The following RFX2 variants were observed in gnomAD, a reference collection of about 807,000 sequenced individuals.
The protein encoded by RFX2 is regulatory factor X2, also known as DNA-binding protein RFX2.
A neutral mutation model predicts 87.8 loss-of-function variants in RFX2; 20 were observed. That is an observed-to-expected ratio of 0.23 (90% CI 0.16 to 0.33). The LOEUF is 0.33. Ranked by LOEUF, RFX2 falls within the 10% of genes least tolerant of loss-of-function variation. The pLI is 1.00. For synonymous variants in RFX2, 397 were observed against 431.3 expected (o/e 0.92, Z 0.98); for missense variants, 767 against 1,012.3 (o/e 0.76, Z 3.29).
chr19:6,066,757 A>C (rs1168628282), intron 1 of RFX2, among the ~76,000 whole-genome samples: 3 of 152,202 alleles, frequency 2.0e-5, no homozygotes, highest in African/African-American at 7.2e-5. Context: ...TGGAGTCCGC[A>C]GTCTTGGCAC....
chr19:6,044,155 C>T lies in RFX2; in HGVS notation c.180+38G>A, dbSNP rs1292416965. ...GTTCTGGATTGCTGAGTGCTAACTG[C>T]GCCCCGGTTTGCACGGTGCTGCGGT... On this transcript the variant is annotated intron_variant, in intron 3 of 17. Coordinates refer to ENST00000303657, the MANE Select transcript of RFX2 (RefSeq NM_000635.4). This position sits in a 1 kb window ranked among gnomAD's most constrained non-coding sequence, Gnocchi z 5.3. The T allele has an allele frequency of 1.2e-5, 15 of 1,268,290 alleles. No individual in the cohort carries two copies. The highest frequency in any genetic ancestry group is 2.0e-4 in the Middle Eastern group (1 of 4,942). 78.6% of individuals were successfully genotyped at this position (1,268,290 alleles called of 1,614,324 possible).
intron 1 of RFX2, among the ~76,000 whole-genome samples, chr19:6,091,803 C>A (rs906621111): frequency 4.6e-5 from 7 of 152,148 alleles, no homozygotes; most frequent in African/African-American, 1.7e-4. Context: ...AGCCGCAAAA[C>A]GTGTTTACAT....
chr19:6,058,296 C>T (rs183623631), intron 1 of RFX2, among the ~76,000 whole-genome samples: 22 of 152,308 alleles, frequency 1.4e-4, no homozygotes, highest in Admixed American at 1.4e-3. Flanking sequence ...TGCCCAGTGT[C>T]CCCTGGGGCG....
intron 10 of RFX2, 89 bp downstream of exon 10, chr19:6,008,017 C>T: frequency 9.8e-7 from 1 of 1,019,844 alleles, no homozygotes; most frequent in Non-Finnish European, 1.5e-6. Context: ...GCTCCAGCTC[C>T]TCAGCGTCAC....
At chr19:6,072,770 C>CCT in intron 1 of RFX2, 1 of 655,466 alleles carries the variant, frequency 1.5e-6, no homozygotes, top group Admixed American at 2.4e-5. Flanking sequence ...AAAAAAGGCC[C>CCT]CTCTCTCTTC....
intron 1 of RFX2, among the ~76,000 whole-genome samples, chr19:6,059,526 T>C (rs1350962822): frequency 1.3e-5 from 2 of 152,130 alleles, no homozygotes; most frequent in Non-Finnish European, 2.9e-5. Flanking sequence ...AAATTCTCCT[T>C]AGGTTATGGG....
At chr19:6,104,021 C>G (rs543483819) in intron 1 of RFX2, among the ~76,000 whole-genome samples, 1 of 152,176 alleles carries the variant, frequency 6.6e-6, no homozygotes, top group Admixed American at 6.5e-5. Flanking sequence ...AGCAACCACA[C>G]GAGCTATTAT....
intron 3 of RFX2, 42 bp from the exon 4 acceptor site, chr19:6,042,165 C>T (rs560208974): frequency 1.5e-5 from 23 of 1,549,034 alleles, no homozygotes; most frequent in African/African-American, 9.5e-5. Context: ...GTCACGCCCT[C>T]GTGAGTTGCC....
At position 6,021,124 on chromosome 19, in the gene RFX2, G is replaced by A. The variant is rs2086805451; in HGVS notation, c.598-4853C>T. On this transcript the variant is annotated intron_variant, in intron 6 of 17. Coordinates refer to ENST00000303657, the MANE Select transcript of RFX2 (RefSeq NM_000635.4). This position sits in a 1 kb window ranked among gnomAD's most constrained non-coding sequence, Gnocchi z 5.7. Reference sequence around the variant, plus strand: ...TCTATTCCTGGGGGCAAATTTGCCTGACACTGGCTCCTGGTGGTGAGTTAG... The same window carrying A: ...TCTATTCCTGGGGGCAAATTTGCCTAACACTGGCTCCTGGTGGTGAGTTAG... Among the ~76,000 whole-genome samples, 1 of 152,192 alleles carries A rather than the reference G, an allele frequency of 6.6e-6. No individual in the cohort carries two copies. Among genetic ancestry groups the A allele is most frequent in the Non-Finnish European group, 1.5e-5 (1 of 68,036 alleles).
At chr19:6,032,278 C>T (rs577132766) in intron 5 of RFX2, among the ~76,000 whole-genome samples, 129 of 152,174 alleles carry the variant, frequency 8.5e-4, no homozygotes, top group African/African-American at 2.8e-3. Flanking sequence ...CGTGCCACCC[C>T]GTCCAGCTAA....
At chr19:6,048,799 T>C (rs777107799) in intron 1 of RFX2, among the ~76,000 whole-genome samples, 16 of 152,220 alleles carry the variant, frequency 1.1e-4, no homozygotes, top group Non-Finnish European at 2.2e-4. Flanking sequence ...GGGATATGTG[T>C]GTTTGAATTC....
At chr19:6,086,124 G>T (rs1325808889) in intron 1 of RFX2, among the ~76,000 whole-genome samples, 3 of 146,312 alleles carry the variant, frequency 2.1e-5, no homozygotes, top group East Asian at 2.0e-4. Context: ...AGGCAGGGGA[G>T]ATCCAATTTC....
intron 1 of RFX2, among the ~76,000 whole-genome samples, chr19:6,098,452 G>A (rs544119719): frequency 6.6e-6 from 1 of 152,214 alleles, no homozygotes; most frequent in Non-Finnish European, 1.5e-5. Context: ...TTTCGTCCAA[G>A]TTCGTCAGAG....
At chr19:6,058,305 C>T (rs983045154) in intron 1 of RFX2, among the ~76,000 whole-genome samples, 4 of 152,122 alleles carry the variant, frequency 2.6e-5, no homozygotes, top group Admixed American at 6.5e-5. Flanking sequence ...TCCCCTGGGG[C>T]GCAGAAGGAC....
At chr19:6,085,921 G>A (rs1283950415) in intron 1 of RFX2, among the ~76,000 whole-genome samples, 3 of 151,804 alleles carry the variant, frequency 2.0e-5, no homozygotes, top group African/African-American at 4.8e-5. Flanking sequence ...GTGAGACCTC[G>A]TCTCTATAAA....
chr19:6,045,229 C>A lies in RFX2; in HGVS notation c.91-947G>T, dbSNP rs1316369459. Among the ~76,000 whole-genome samples the A allele has an allele frequency of 6.6e-6, 1 of 152,204 alleles. No homozygotes were observed. Among genetic ancestry groups the A allele is most frequent in the Non-Finnish European group, 1.5e-5 (1 of 68,034 alleles). On this transcript the variant is annotated intron_variant, in intron 2 of 17. Transcript: ENST00000303657. This position sits in a 1 kb window ranked among gnomAD's most constrained non-coding sequence, Gnocchi z 5.2. ...ATAAGGATGCCAGCGCAAGGGCATT[C>A]TGATTCCAGGTGAGCTGGGCGCCGT...
At position 6,007,722 on chromosome 19, in the gene RFX2, G is replaced by A; in HGVS notation, c.1215C>T (p.Ser405=). The stretch of plus-strand genomic sequence containing the variant: ...GAAGAGAGGTGGGGCCGTCGCTGGA[G>A]GAGGCCTTAGAGTTCCAGAAGGAGA... The part of the protein sequence containing the change: ...LWLSFWNSKA[S]SSDGPTSLPA... The change falls in exon 11 of 18, where the codon TCC becomes TCT. Residue 405 remains serine (S), a synonymous_variant. Transcript: ENST00000303657. This position sits in a 1 kb window ranked among gnomAD's most constrained non-coding sequence, Gnocchi z 8.2. 1 of 1,555,530 alleles carries A rather than the reference G, an allele frequency of 6.4e-7. No homozygotes were observed. Among genetic ancestry groups the A allele is most frequent in the South Asian group, 1.2e-5 (1 of 84,386 alleles).
intron 17 of RFX2, 29 bp downstream of exon 17, chr19:5,995,572 C>A (rs1366374982): frequency 2.6e-6 from 4 of 1,549,950 alleles, no homozygotes; most frequent in African/African-American, 1.4e-5. Flanking sequence ...CTGGGAGGGT[C>A]GTGGTGGGAA....
chr19:6,082,146 G>A (rs1238552661), intron 1 of RFX2, among the ~76,000 whole-genome samples: 3 of 151,884 alleles, frequency 2.0e-5, no homozygotes, highest in Non-Finnish European at 4.4e-5. Context: ...TCTGGGTGTG[G>A]TGGTGCACAC....
Sources: gnomAD v4.1 joint callset for allele counts (sites outside exome capture counted in the v4.1 genomes callset) on GRCh38, gnomAD v4.1.1 for gene constraint, Gnocchi (gnomAD v3.1) non-coding constraint, MANE v1.5 for transcripts, NCBI Gene and HGNC (gene_info 2026-07-23, HGNC 2026-07-21) for gene names.